Variants in STOX2 observed in about 807,000 individuals in gnomAD.
STOX2 encodes storkhead-box protein 2.
STOX2 carries 28 observed loss-of-function variants against 60.9 expected under a neutral mutation model. That is an observed-to-expected ratio of 0.46 (90% CI 0.34 to 0.63). STOX2 has a LOEUF of 0.63. STOX2 is among the 30% of genes least tolerant of loss of function. STOX2 has a pLI of 0.01. For missense variants in STOX2, 1,024 were observed against 1,187.7 expected (o/e 0.86, Z 2.03); for synonymous variants, 472 against 463.9 (o/e 1.02, Z -0.22).
At chr4:183,862,032 C>T (rs942744662) in intron 1 of STOX2, among the ~76,000 whole-genome samples, 7 of 152,178 alleles carry the variant, frequency 4.6e-5, no homozygotes, top group African/African-American at 1.7e-4. Flanking sequence ...ACAGATACTT[C>T]GTGAGGGTTT....
In STOX2 at chr4:184,009,758, C is replaced by T. The variant is rs1218224310; in HGVS notation, c.920C>T (p.Pro307Leu). 1 of 1,613,466 alleles carries T rather than the reference C, an allele frequency of 6.2e-7. No homozygotes were observed. Among genetic ancestry groups the T allele is most frequent in the Non-Finnish European group, 8.5e-7 (1 of 1,179,724 alleles). Residue 307 changes from proline to leucine, a missense_variant, in exon 3 of 4, where the codon CCT (proline) becomes CTT (leucine). Physicochemically the swap from Pro to Leu is moderately conservative, Grantham distance 98. Transcript: ENST00000308497. The surrounding 1 kb of genome is among the most constrained non-coding windows in gnomAD (Gnocchi z 4.0). Reference protein sequence around the residue: ...LRDEDTPATIPREVEMEIIRR... With the variant: ...LRDEDTPATILREVEMEIIRR... ...GACGAGGACACGCCAGCTACGATCC[C>T]TCGGGAAGTAGAGATGGAAATCATT...
chr4:183,997,500 G>A (rs1733392457), intron 1 of STOX2, among the ~76,000 whole-genome samples: 1 of 152,228 alleles, frequency 6.6e-6, no homozygotes, highest in African/African-American at 2.4e-5. Context: ...ATGCAGGGAA[G>A]TGGTGTGTTT....
intron 1 of STOX2, among the ~76,000 whole-genome samples, chr4:183,880,012 G>A (rs960929681): frequency 3.3e-5 from 5 of 151,936 alleles, no homozygotes; most frequent in Admixed American, 1.3e-4. Flanking sequence ...TTTTAGAGAC[G>A]GAATCTCGCT....
rs991469133 is a variant in STOX2, at chr4:184,003,653, G to A, written c.319+2176G>A. On this transcript the variant is annotated intron_variant, in intron 2 of 3. Coordinates refer to ENST00000308497, the MANE Select transcript of STOX2 (RefSeq NM_020225.3). ...AATAAAGTTTTATTGGAACACAGCC[G>A]TGCCCATTTGCTCATGGATGGTCTT... Among the ~76,000 whole-genome samples, 7 of 152,330 alleles carry A rather than the reference G, an allele frequency of 4.6e-5. No individual in the cohort carries two copies. The East Asian group carries it at 5.8e-4, about 13-fold the overall frequency.
At chr4:183,902,941 G>T (rs1389694958), upstream of STOX2, among the ~76,000 whole-genome samples, 1 of 152,148 alleles carries the variant, frequency 6.6e-6, no homozygotes, top group East Asian at 1.9e-4. Context: ...GCTGAGTGGA[G>T]CTATAGCTCT....
chr4:183,840,917 G>A (rs1739843397), intron 1 of STOX2, among the ~76,000 whole-genome samples: 1 of 152,168 alleles, frequency 6.6e-6, no homozygotes, highest in African/African-American at 2.4e-5. Context: ...GCCCAGGCTG[G>A]AGTGCTGTGG....
chr4:183,927,807 C>A (rs551352161), intron 1 of STOX2, among the ~76,000 whole-genome samples: 10 of 152,144 alleles, frequency 6.6e-5, no homozygotes, highest in Non-Finnish European at 1.2e-4. Flanking sequence ...TATGAGGAGC[C>A]ATTGTCAGTC....
intron 1 of STOX2, among the ~76,000 whole-genome samples, chr4:183,938,502 C>T (rs1211598140): frequency 6.6e-6 from 1 of 152,112 alleles, no homozygotes; most frequent in East Asian, 1.9e-4. Flanking sequence ...AACCCCGTCT[C>T]TACTAAAAAT....
intron 1 of STOX2, among the ~76,000 whole-genome samples, chr4:183,815,351 G>T (rs912900441): frequency 2.0e-5 from 3 of 152,064 alleles, no homozygotes; most frequent in African/African-American, 7.2e-5. Flanking sequence ...GTAGTCAAAA[G>T]AGGCTTAATC....
At chr4:183,873,232 G>A (rs1222161846) in intron 1 of STOX2, among the ~76,000 whole-genome samples, 3 of 152,144 alleles carry the variant, frequency 2.0e-5, no homozygotes, top group Non-Finnish European at 4.4e-5. Context: ...CGGATCACCT[G>A]AGGTCGGGAG....
intron 1 of STOX2, among the ~76,000 whole-genome samples, chr4:183,826,607 G>A (rs551227271): frequency 6.6e-6 from 1 of 152,344 alleles, no homozygotes; most frequent in East Asian, 1.9e-4. Flanking sequence ...ACACAGTCCT[G>A]GGACGGCTGC....
At chr4:183,964,995 A>G (rs1743520842) in intron 1 of STOX2, among the ~76,000 whole-genome samples, 1 of 152,254 alleles carries the variant, frequency 6.6e-6, no homozygotes, top group Non-Finnish European at 1.5e-5. Context: ...GAATTTTCTT[A>G]TCACGAAACA....
chr4:183,871,291 G>A (rs1254650138), intron 1 of STOX2, among the ~76,000 whole-genome samples: 2 of 152,190 alleles, frequency 1.3e-5, no homozygotes, highest in African/African-American at 2.4e-5. Context: ...CCCTTCAGAA[G>A]CAAATGTCTT....
chr4:183,913,144 A>G (rs1579407961), intron 1 of STOX2, among the ~76,000 whole-genome samples: 1 of 152,266 alleles, frequency 6.6e-6, no homozygotes. Context: ...GAGATGGAGA[A>G]GGAGAAGGAT....
intron 1 of STOX2, among the ~76,000 whole-genome samples, chr4:183,993,329 G>T (rs1282341796): frequency 6.6e-6 from 1 of 152,224 alleles, no homozygotes; most frequent in Non-Finnish European, 1.5e-5. Context: ...TCACATAGTG[G>T]CATTAGACAG....
At chr4:183,826,903 A>G (rs1272176190) in intron 1 of STOX2, among the ~76,000 whole-genome samples, 1 of 152,246 alleles carries the variant, frequency 6.6e-6, no homozygotes, top group African/African-American at 2.4e-5. Context: ...AAAGGCAGTG[A>G]TAGTAGTAGC....
At position 184,010,896 on chromosome 4, in the gene STOX2, C is replaced by T. The variant is rs112717934; in HGVS notation, c.2058C>T (p.Ala686=). Residue 686 remains alanine, a synonymous_variant, in exon 3 of 4, where the codon GCC becomes GCT. Coordinates refer to ENST00000308497, the MANE Select transcript of STOX2 (RefSeq NM_020225.3). This position sits in a 1 kb window ranked among gnomAD's most constrained non-coding sequence, Gnocchi z 4.5. The part of the protein sequence containing the change: ...ANGRLVQHHG[A]EPSSLDKRKE... ...GACGCCTCGTCCAGCACCATGGTGC[C>T]GAGCCCAGCAGCTTGGACAAGAGGA... 120 of 1,612,744 alleles carry T rather than the reference C, an allele frequency of 7.4e-5. No individual in the cohort carries two copies. Among genetic ancestry groups the T allele is most frequent in the Middle Eastern group, 6.6e-4 (4 of 6,060 alleles).
chr4:183,983,775 T>G (rs1732740785), intron 1 of STOX2, among the ~76,000 whole-genome samples: 1 of 152,190 alleles, frequency 6.6e-6, no homozygotes, highest in Non-Finnish European at 1.5e-5. Flanking sequence ...AGACTGTTCT[T>G]TAAATTTTTT....
intron 1 of STOX2, among the ~76,000 whole-genome samples, chr4:183,854,856 GT>G (rs911365245): frequency 7.9e-5 from 12 of 151,858 alleles, no homozygotes; most frequent in Admixed American, 5.3e-4. Context: ...AACAGGGAAT[GT>G]TTTTTTTAAC....
Sources: allele counts gnomAD v4.1 joint callset (sites outside exome capture counted in the v4.1 genomes callset), GRCh38; gene constraint gnomAD v4.1.1; non-coding constraint Gnocchi (gnomAD v3.1); transcripts MANE v1.5; gene names NCBI Gene and HGNC (gene_info 2026-07-23, HGNC 2026-07-21).